DNAH2: variants seen among roughly 807,000 people sequenced by gnomAD.
DNAH2 encodes dynein axonemal heavy chain 2.
Under a neutral mutation model 523.5 loss-of-function variants are expected in DNAH2, and 323 were observed. That is an observed-to-expected ratio of 0.62 (90% CI 0.56 to 0.68). DNAH2 has a LOEUF of 0.68. DNAH2 is among the 30% of genes least tolerant of loss of function. The pLI is 0.00. For missense variants in DNAH2, 4,907 were observed against 5,701.5 expected, an observed-to-expected ratio of 0.86 and a Z score of 4.49; for synonymous variants, 2,093 against 2,177.4, an observed-to-expected ratio of 0.96 and a Z score of 1.08.
chr17:7,794,641 C>T (rs1216959758), intron 49 of DNAH2, among the ~76,000 whole-genome samples: 1 of 152,108 alleles, frequency 6.6e-6, no homozygotes, highest in Non-Finnish European at 1.5e-5. Context: ...CTACAAAGCC[C>T]ACGGCAGTGT....
In DNAH2 at chr17:7,807,533, C is replaced by T; in HGVS notation, c.9676C>T (p.Gln3226Ter). ...AATCCGAATGAACGCTGCCTTGGCT[C>T]AGCTTCGGGAGAAGCAAGCCGCGCT... ...KRIRMNAALA[Q>*]LREKQAALAE... Residue 3226 changes from glutamine (Q) to a stop codon, truncating the protein, a stop_gained, in exon 63 of 86, where the codon CAG (glutamine) becomes TAG (stop). Coordinates refer to ENST00000572933, the MANE Select transcript of DNAH2 (RefSeq NM_020877.5). LOFTEE classifies it high-confidence loss of function. The surrounding 1 kb of genome is among the most constrained non-coding windows in gnomAD (Gnocchi z 5.6). The T allele has an allele frequency of 1.2e-6, 2 of 1,613,336 alleles. No homozygotes were observed. Among genetic ancestry groups the T allele is most frequent in the Non-Finnish European group, 1.7e-6 (2 of 1,180,014 alleles).
At position 7,764,013 on chromosome 17, in the gene DNAH2, T is replaced by C. The variant is rs1350579405; in HGVS notation, c.3161T>C (p.Leu1054Pro). The C allele has an allele frequency of 4.3e-6, 7 of 1,614,100 alleles. No homozygotes were observed. The highest frequency in any genetic ancestry group is 5.9e-6 in the Non-Finnish European group (7 of 1,180,010). Residue 1054 changes from leucine (L) to proline (P), a missense_variant, in exon 19 of 86, where the codon CTG becomes CCG. Transcript: ENST00000572933. Reference protein sequence around the residue: ...AGRLLELHTYLKENAEKISRP... With the variant: ...AGRLLELHTYPKENAEKISRP... ...CGCCTCCTGGAGCTGCACACCTACC[T>C]GAAGGAGAACGCAGAGAAGTGCGGG...
chr17:7,759,187 C>G, intron 15 of DNAH2, 63 bp downstream of exon 15: 1 of 1,599,826 alleles, frequency 6.3e-7, no homozygotes, highest in Non-Finnish European at 8.5e-7. Flanking sequence ...TTCCATCAGG[C>G]CATTCTCTTG....
chr17:7,783,082 G>A (rs1185964265), intron 39 of DNAH2, among the ~76,000 whole-genome samples: 2 of 152,046 alleles, frequency 1.3e-5, no homozygotes, highest in Admixed American at 1.3e-4. Flanking sequence ...GTTTTGTTTT[G>A]TTTTGTTTTT....
At chr17:7,761,511 TA>T (rs1384937093) in intron 18 of DNAH2, among the ~76,000 whole-genome samples, 15 of 151,336 alleles carry the variant, frequency 9.9e-5, no homozygotes, top group South Asian at 2.1e-4. Flanking sequence ...TTTTTTCAAA[TA>T]TTTTTTTTTG....
intron 7 of DNAH2, among the ~76,000 whole-genome samples, chr17:7,735,648 A>G (rs181725542): frequency 4.1e-3 from 623 of 152,114 alleles, no homozygotes; most frequent in Admixed American, 7.1e-3. Flanking sequence ...TATGTTGCCC[A>G]GGCTGGTCTC....
At chr17:7,725,637 T>C (rs1345251998) in intron 3 of DNAH2, among the ~76,000 whole-genome samples, 8 of 151,040 alleles carry the variant, frequency 5.3e-5, no homozygotes, top group African/African-American at 1.9e-4. Flanking sequence ...GGTTTCACCA[T>C]GTTGGCCAGG....
rs796667348 is a variant in DNAH2, at chr17:7,778,951, G to A, written c.5542-292G>A. Among the ~76,000 whole-genome samples, 4 of 152,160 alleles carry A rather than the reference G, an allele frequency of 2.6e-5. No individual in the cohort carries two copies. The South Asian group carries it at 8.3e-4, about 32-fold the overall frequency. ...ATTTGCAAAATCAGAAGATTATAAA[G>A]GATTAAAGAAAATAATGTGTGTTAA... On this transcript the variant is annotated intron_variant, in intron 35 of 85. Transcript: ENST00000572933.
rs2078182934 is a variant in DNAH2 at position 7,831,788 on chromosome 17, C to T, written c.12726+13C>T. On this transcript the variant is annotated intron_variant, in intron 82 of 85. Coordinates refer to ENST00000572933, the MANE Select transcript of DNAH2 (RefSeq NM_020877.5). The surrounding 1 kb of genome is among the most constrained non-coding windows in gnomAD (Gnocchi z 4.2). ...GCTCTGGGGAAAGGCAAGATTATAC[C>T]ATTGTTGATCCTTCTCCAACAATGA... is the stretch of plus-strand genomic sequence containing the variant. 9 of 1,604,768 alleles carry T rather than the reference C, an allele frequency of 5.6e-6. No individual in the cohort carries two copies. Among genetic ancestry groups the T allele is most frequent in the Admixed American group, 1.7e-5 (1 of 59,844 alleles).
Position 7,775,224 on chromosome 17 carries a change from G to C in DNAH2, c.4720-17G>C. On this transcript the variant is annotated splice_polypyrimidine_tract_variant and intron_variant, in intron 29 of 85. Coordinates refer to ENST00000572933, the MANE Select transcript of DNAH2 (RefSeq NM_020877.5). The stretch of plus-strand genomic sequence containing the variant: ...GGGTGGGCAGGCCAGGCTCTGAGTA[G>C]CTTCTGCTTTCTGCAGGTTGGAGGG... 1.9e-6 allele frequency: 3 copies of C among 1,609,002 alleles called. No homozygotes were observed. The highest frequency in any genetic ancestry group is 2.5e-6 in the Non-Finnish European group (3 of 1,177,178).
At chr17:7,803,255 G>T (rs778056773) in intron 58 of DNAH2, among the ~76,000 whole-genome samples, 1 of 152,122 alleles carries the variant, frequency 6.6e-6, no homozygotes, top group Admixed American at 6.6e-5. Context: ...CTGCCTGGCC[G>T]GTTATAAATC....
At chr17:7,761,827 A>G (rs942768640) in intron 18 of DNAH2, among the ~76,000 whole-genome samples, 2 of 151,092 alleles carry the variant, frequency 1.3e-5, no homozygotes, top group Admixed American at 6.6e-5. Context: ...ACATCTTTTT[A>G]TGGGCCTCTG....
rs759209729 is a variant in DNAH2 at position 7,719,726 on chromosome 17, G to T, written c.-9G>T. ...CCACTCCTGTATACCTGTAGGTTTT[G>T]CCTGCACGATGTCCAGCAAAGCTGA... is the stretch of plus-strand genomic sequence containing the variant. On this transcript the variant is annotated 5_prime_UTR_variant, in exon 2 of 86. Transcript: ENST00000572933. The T allele has an allele frequency of 3.0e-5, 48 of 1,614,212 alleles. No homozygotes were observed. Among genetic ancestry groups the T allele is most frequent in the Non-Finnish European group, 4.1e-5 (48 of 1,180,050 alleles).
chr17:7,723,655 A>G lies in DNAH2; in HGVS notation c.194A>G (p.Gln65Arg). 9 of 1,614,074 alleles carry G rather than the reference A, an allele frequency of 5.6e-6. No homozygotes were observed. The highest frequency in any genetic ancestry group is 6.8e-6 in the Non-Finnish European group (8 of 1,179,992). ...CCACGGTTGGAGGGACCTCAAGCACAGAGTGAAGAATCAGTGGAGCCCGAG... is the reference window on the plus strand; with the variant it reads ...CCACGGTTGGAGGGACCTCAAGCACGGAGTGAAGAATCAGTGGAGCCCGAG... ...PEPRLEGPQA[Q>R]SEESVEPEAD... Residue 65 changes from glutamine to arginine, a missense_variant, in exon 3 of 86, where the codon CAG becomes CGG. This residue lies in a region of DNAH2 where 2,806 missense variants were observed against 3,190.8 expected (regional missense o/e 0.88). Transcript: ENST00000572933.
In DNAH2 at chr17:7,775,698, A is replaced by G. The variant is rs1440204615; in HGVS notation, c.4822-326A>G. Among the ~76,000 whole-genome samples, 4 of 77,726 alleles carry G rather than the reference A, an allele frequency of 5.1e-5. No individual in the cohort carries two copies. The South Asian group carries it at 1.8e-3, about 34-fold the overall frequency. 51.0% of individuals were successfully genotyped at this position (77,726 alleles called of 152,430 possible). A position where few individuals can be genotyped will look rare whatever the true frequency, so the allele number is the denominator to read the frequency against. ...GAAACTCCGTCTCAAAACCAAAAAA[A>G]AAAAAAGAAAAAAAAAAAAAAAGAA... On this transcript the variant is annotated intron_variant, in intron 30 of 85. Coordinates refer to ENST00000572933, the MANE Select transcript of DNAH2 (RefSeq NM_020877.5).
rs1360079720 is a variant in DNAH2, at chr17:7,775,361, C to T, written c.4821+19C>T. Reference sequence around the variant, plus strand: ...TGTGGAGGTGAGTTGTGGTGAGGGTCTGAGGACCTAGCTGATTCTTCTTCC... The same window carrying T: ...TGTGGAGGTGAGTTGTGGTGAGGGTTTGAGGACCTAGCTGATTCTTCTTCC... On this transcript the variant is annotated intron_variant, in intron 30 of 85. Coordinates refer to ENST00000572933, the MANE Select transcript of DNAH2 (RefSeq NM_020877.5). The T allele has an allele frequency of 2.4e-5, 38 of 1,598,642 alleles. No homozygotes were observed. Among genetic ancestry groups the T allele is most frequent in the Non-Finnish European group, 3.2e-5 (37 of 1,170,562 alleles).
At chr17:7,778,520 C>A (rs758767913) in intron 35 of DNAH2, 51 bp downstream of exon 35, 2 of 1,517,336 alleles carry the variant, frequency 1.3e-6, no homozygotes, top group Non-Finnish European at 1.8e-6. Context: ...CCTTTTCGTC[C>A]CAGAAAATAA....
chr17:7,740,151 C>T (rs1030822264), intron 9 of DNAH2, among the ~76,000 whole-genome samples: 1 of 151,664 alleles, frequency 6.6e-6, no homozygotes, highest in Non-Finnish European at 1.5e-5. Context: ...GGACTTGGAT[C>T]TTGGTTCTGC....
At chr17:7,827,082 T>C (rs1346703545) in intron 77 of DNAH2, among the ~76,000 whole-genome samples, 1 of 152,184 alleles carries the variant, frequency 6.6e-6, no homozygotes, top group African/African-American at 2.4e-5. Flanking sequence ...CTTGCTTTTT[T>C]CATTCAACAT....
Sources: gnomAD v4.1 joint callset for allele counts (sites outside exome capture counted in the v4.1 genomes callset) on GRCh38, gnomAD v4.1.1 for gene constraint, gnomAD v4.1.1 regional missense constraint, Gnocchi (gnomAD v3.1) non-coding constraint, MANE v1.5 for transcripts, NCBI Gene and HGNC (gene_info 2026-07-23, HGNC 2026-07-21) for gene names.